PKP4: variants seen among roughly 807,000 people sequenced by gnomAD.
The protein encoded by PKP4 is plakophilin 4.
Under a neutral mutation model 145.1 loss-of-function variants are expected in PKP4, and 90 were observed. The ratio of observed to expected loss-of-function variants is 0.62; its 90% CI spans 0.52 to 0.74. The LOEUF is 0.74. PKP4 is among the 30% of genes least tolerant of loss of function. PKP4 has a pLI of 0.00. For missense variants in PKP4, 1,340 were observed against 1,482.7 expected (o/e 0.90, Z 1.58); for synonymous variants, 563 against 577.2 (o/e 0.98, Z 0.35).
intron 2 of PKP4, among the ~76,000 whole-genome samples, chr2:158,537,305 A>G (rs991771592): frequency 2.0e-5 from 3 of 152,240 alleles, no homozygotes; most frequent in Non-Finnish European, 2.9e-5. Flanking sequence ...AAATAATGAC[A>G]TAGGTGTCAT....
intron 4 of PKP4, among the ~76,000 whole-genome samples, chr2:158,619,690 T>C (rs914926312): frequency 1.3e-5 from 2 of 152,206 alleles, no homozygotes; most frequent in Non-Finnish European, 2.9e-5. Flanking sequence ...CTGTTGTTAC[T>C]GGGAATTTGC....
chr2:158,580,881 G>C (rs932594484), intron 3 of PKP4, among the ~76,000 whole-genome samples: 1 of 152,166 alleles, frequency 6.6e-6, no homozygotes, highest in Admixed American at 6.5e-5. Flanking sequence ...TCCCTCATCT[G>C]AATTCCCATC....
At chr2:158,666,651 T>G in intron 16 of PKP4, 88 bp downstream of exon 16, 1 of 1,108,744 alleles carries the variant, frequency 9.0e-7, no homozygotes, top group South Asian at 2.0e-5. Context: ...ATATATGGCT[T>G]GTAAAATCAT....
At chr2:158,560,847 A>G (rs1323567944) in intron 2 of PKP4, among the ~76,000 whole-genome samples, 1 of 152,166 alleles carries the variant, frequency 6.6e-6, no homozygotes, top group African/African-American at 2.4e-5. Flanking sequence ...GTCTAATATT[A>G]TATAGCTAGT....
At chr2:158,596,332 C>CT (rs2049740649) in intron 3 of PKP4, among the ~76,000 whole-genome samples, 1 of 152,022 alleles carries the variant, frequency 6.6e-6, no homozygotes, top group Non-Finnish European at 1.5e-5. Flanking sequence ...TTTTTAAACT[C>CT]TAATTCAATA....
chr2:158,521,244 T>C (rs1183616245), intron 1 of PKP4, among the ~76,000 whole-genome samples: 1 of 152,232 alleles, frequency 6.6e-6, no homozygotes, highest in Non-Finnish European at 1.5e-5. Flanking sequence ...CAAAATTTGA[T>C]ACTGTTTTGC....
chr2:158,488,191 A>T (rs1694445530), intron 1 of PKP4, among the ~76,000 whole-genome samples: 1 of 152,194 alleles, frequency 6.6e-6, no homozygotes, highest in Non-Finnish European at 1.5e-5. Flanking sequence ...ATTATAAAAA[A>T]AATTGGAGGC....
At position 158,634,039 on chromosome 2, in the gene PKP4, A is replaced by G. The variant is rs1031780587; in HGVS notation, c.1343-31A>G. On this transcript the variant is annotated intron_variant, in intron 8 of 21. Transcript: ENST00000389759. ...TAAAGTGTGATCTCATGGAGAACAT[A>G]CTAATCTTTTTCAAAATGTTGACTT... The G allele has an allele frequency of 4.9e-6, 6 of 1,219,380 alleles. No homozygotes were observed. The African/African-American group carries it at 7.5e-5, about 15-fold the overall frequency. 75.5% of individuals were successfully genotyped at this position (1,219,380 alleles called of 1,614,324 possible).
At chr2:158,466,590 A>C (rs1241981919) in intron 1 of PKP4, among the ~76,000 whole-genome samples, 1 of 151,904 alleles carries the variant, frequency 6.6e-6, no homozygotes, top group Admixed American at 6.6e-5. Flanking sequence ...CTGTAGTCCC[A>C]GCTACTTGGG....
rs572005930 is a variant in PKP4 at position 158,497,012 on chromosome 2, A to G, written c.-5-36168A>G. 2.0e-4 allele frequency among the ~76,000 whole-genome samples: 30 copies of G among 152,036 alleles called. No individual in the cohort carries two copies. The South Asian group carries it at 6.0e-3, about 31-fold the overall frequency. ...GATTTTTTTCTATGCATTTTTAGTG[A>G]TATGTTGATTTCCTTAAAAGAATAA... On this transcript the variant is annotated intron_variant, in intron 1 of 21. Transcript: ENST00000389759.
At position 158,579,293 on chromosome 2, in the gene PKP4, A is replaced by G. The variant is rs2048125255; in HGVS notation, c.245+1910A>G. On this transcript the variant is annotated intron_variant, in intron 3 of 21. Transcript: ENST00000389759. ...ATTTGAACAACCATTCACACACACA[A>G]ATACCTTCACTAGAGCTAAGGAATC... Among the ~76,000 whole-genome samples the G allele has an allele frequency of 2.0e-5, 3 of 152,196 alleles. No homozygotes were observed. In the South Asian group the frequency reaches 6.2e-4, roughly 31 times the overall value.
chr2:158,468,173 C>CT (rs1226366097), intron 1 of PKP4, among the ~76,000 whole-genome samples: 1 of 152,170 alleles, frequency 6.6e-6, no homozygotes, highest in Non-Finnish European at 1.5e-5. Context: ...ATTTTTAAAA[C>CT]TTTCTTTCTA....
At chr2:158,561,793 CTT>C (rs758042959) in intron 2 of PKP4, among the ~76,000 whole-genome samples, 6 of 145,238 alleles carry the variant, frequency 4.1e-5, no homozygotes, top group Admixed American at 1.4e-4. Context: ...TCAAGTCAGT[CTT>C]TTTTTTTTTT....
At chr2:158,653,594 A>C (rs147186444) in intron 11 of PKP4, among the ~76,000 whole-genome samples, 4,235 of 152,304 alleles carry the variant, frequency 0.028, 84 homozygotes, top group Middle Eastern at 0.065. Flanking sequence ...AATATTTTCT[A>C]AATTAGTTTG....
chr2:158,595,956 G>A (rs2049692828), intron 3 of PKP4, among the ~76,000 whole-genome samples: 1 of 151,408 alleles, frequency 6.6e-6, no homozygotes, highest in Admixed American at 6.6e-5. Context: ...AATGCCTAGA[G>A]GATAACAAGG....
chr2:158,466,667 T>G (rs1690673002), intron 1 of PKP4, among the ~76,000 whole-genome samples: 1 of 152,208 alleles, frequency 6.6e-6, no homozygotes, highest in Admixed American at 6.5e-5. Flanking sequence ...ATTGCACCAC[T>G]GCACTCCAGC....
At chr2:158,492,856 G>A (rs1019540872) in intron 1 of PKP4, among the ~76,000 whole-genome samples, 1 of 152,118 alleles carries the variant, frequency 6.6e-6, no homozygotes, top group African/African-American at 2.4e-5. Context: ...TCATCATTTA[G>A]AACAGCTTTT....
chr2:158,574,344 T>C (rs1044484130), intron 2 of PKP4, among the ~76,000 whole-genome samples: 1 of 152,230 alleles, frequency 6.6e-6, no homozygotes, highest in Non-Finnish European at 1.5e-5. Flanking sequence ...TTTGGGATAC[T>C]GATTTAAGAA....
intron 1 of PKP4, among the ~76,000 whole-genome samples, chr2:158,460,458 G>A (rs1689594720): frequency 6.6e-6 from 1 of 152,060 alleles, no homozygotes; most frequent in South Asian, 2.1e-4. Context: ...TGCAATTATT[G>A]GCAATTTTTG....
Sources: allele counts gnomAD v4.1 joint callset (sites outside exome capture counted in the v4.1 genomes callset), GRCh38; gene constraint gnomAD v4.1.1; transcripts MANE v1.5; gene names NCBI Gene and HGNC (gene_info 2026-07-23, HGNC 2026-07-21).